Variants in PCTP observed in about 807,000 individuals in gnomAD.
The protein encoded by PCTP is START domain-containing protein 2.
In PCTP, 27 loss-of-function variants were observed where a neutral mutation model predicts 31.0. The observed-to-expected ratio is 0.87, with a 90% CI of 0.64 to 1.20. PCTP has a LOEUF of 1.20. Among genes scored for constraint, PCTP ranks in the 50% most tolerant of loss-of-function variants. PCTP has a pLI of 0.00. For missense variants in PCTP, 287 were observed against 268.2 expected (o/e 1.07, Z -0.49); for synonymous variants, 108 against 101.2 (o/e 1.07, Z -0.40).
chr17:55,847,949 G>A, the PCTP span, among the ~76,000 whole-genome samples: 1 of 151,590 alleles, frequency 6.6e-6, no homozygotes. Context: ...TTGAGACAGA[G>A]CCTCACTCTG....
At chr17:55,843,245 C>G (rs1211811410), downstream of PCTP, among the ~76,000 whole-genome samples, 1 of 152,004 alleles carries the variant, frequency 6.6e-6, no homozygotes, top group African/African-American at 2.4e-5. Flanking sequence ...TGTTTGTTTT[C>G]AGGTCTTAGC....
rs1240014340 is a variant in PCTP at position 55,777,289 on chromosome 17, T to C, written c.*1189T>C. 1 of 984,848 alleles carries C rather than the reference T, an allele frequency of 1.0e-6. No individual in the cohort carries two copies. The highest frequency in any genetic ancestry group is 1.2e-6 in the Non-Finnish European group (1 of 829,128). The allele number at this position is 984,848 out of a possible 1,614,324, so 61.0% of individuals were successfully genotyped here. ...GGATGTAAAGCCACAGAATGGGATT[T>C]ATTAATGTGGGATACCTCAGACTGT... is the stretch of plus-strand genomic sequence containing the variant. On this transcript the variant is annotated 3_prime_UTR_variant, in exon 6 of 6. Coordinates refer to ENST00000268896, the MANE Select transcript of PCTP (RefSeq NM_021213.4).
intron 5 of PCTP, among the ~76,000 whole-genome samples, chr17:55,833,039 G>A (rs148922526): frequency 0.01 from 1,542 of 152,238 alleles, 15 homozygotes; most frequent in South Asian, 0.026. Context: ...CACACTCACC[G>A]CCACTCTGTC....
At chr17:55,755,571 C>A (rs1909968275) in intron 1 of PCTP, among the ~76,000 whole-genome samples, 1 of 152,030 alleles carries the variant, frequency 6.6e-6, no homozygotes, top group African/African-American at 2.4e-5. Flanking sequence ...GACAAGTGGG[C>A]AATTTTGATG....
At chr17:55,839,836 C>T (rs997643293) in intron 5 of PCTP, among the ~76,000 whole-genome samples, 1 of 137,674 alleles carries the variant, frequency 7.3e-6, no homozygotes, top group Non-Finnish European at 1.5e-5. Flanking sequence ...AGGAGAATGG[C>T]GTGAACCCGG....
intron 2 of PCTP, among the ~76,000 whole-genome samples, chr17:55,785,475 T>C (rs967869570): frequency 6.6e-6 from 1 of 152,246 alleles, no homozygotes; most frequent in Non-Finnish European, 1.5e-5. Context: ...AACTGCAAGA[T>C]AATACTGTTT....
intron 1 of PCTP, among the ~76,000 whole-genome samples, chr17:55,753,803 A>G (rs928660726): frequency 4.6e-5 from 7 of 152,166 alleles, no homozygotes; most frequent in Non-Finnish European, 7.4e-5. Context: ...GGCATATACA[A>G]AGCACACGGC....
chr17:55,767,961 C>T lies in PCTP; in HGVS notation c.259+509C>T, dbSNP rs141860473. On this transcript the variant is annotated intron_variant, in intron 2 of 5. Transcript: ENST00000268896. ...TACAAAACTTAGCTGGGCATGGTGG[C>T]GCATGCCTATAGTCCCAACTACTTA... is the stretch of plus-strand genomic sequence containing the variant. Among the ~76,000 whole-genome samples, 99 of 151,532 alleles carry T rather than the reference C, an allele frequency of 6.5e-4. 2 individuals carry two copies. The highest frequency in any genetic ancestry group is 1.8e-3 in the Admixed American group (28 of 15,214).
At chr17:55,794,761 T>A (rs2145012678) in intron 3 of PCTP, among the ~76,000 whole-genome samples, 1 of 152,164 alleles carries the variant, frequency 6.6e-6, no homozygotes, top group African/African-American at 2.4e-5. Flanking sequence ...GTGTGAGCTC[T>A]AACGACAAAT....
intron 3 of PCTP, among the ~76,000 whole-genome samples, chr17:55,793,933 T>C (rs1912094317): frequency 6.6e-6 from 1 of 152,106 alleles, no homozygotes; most frequent in African/African-American, 2.4e-5. Context: ...ATGCCCGCCT[T>C]CACAGTAGAA....
intron 3 of PCTP, among the ~76,000 whole-genome samples, chr17:55,805,382 C>A (rs1286721385): frequency 6.6e-6 from 1 of 151,936 alleles, no homozygotes; most frequent in Non-Finnish European, 1.5e-5. Context: ...ATTTTGTAGT[C>A]CCCAGTGTCT....
chr17:55,843,149 A>G (rs1478208315), downstream of PCTP, among the ~76,000 whole-genome samples: 2 of 152,156 alleles, frequency 1.3e-5, no homozygotes, highest in African/African-American at 4.8e-5. Flanking sequence ...TACTTGTCAT[A>G]TTAATGATGT....
At chr17:55,822,811 G>C (rs1358431701) in exon 4 of PCTP, 4 of 1,231,224 alleles carry the variant, frequency 3.2e-6, no homozygotes, top group African/African-American at 1.6e-5. Context: ...ACCTCATCAA[G>C]TTTTTGGCAA....
At chr17:55,838,520 T>C (rs1905850082) in intron 5 of PCTP, among the ~76,000 whole-genome samples, 1 of 152,226 alleles carries the variant, frequency 6.6e-6, no homozygotes, top group Non-Finnish European at 1.5e-5. Flanking sequence ...ATTTTGCATT[T>C]GTCTCAGTTA....
chr17:55,823,731 T>C (rs1404962001), downstream of PCTP, among the ~76,000 whole-genome samples: 2 of 152,204 alleles, frequency 1.3e-5, no homozygotes, highest in Non-Finnish European at 2.9e-5. Flanking sequence ...AGAGAGCTCC[T>C]ATGTGGCAAC....
chr17:55,790,843 C>A (rs918043622), intron 3 of PCTP, among the ~76,000 whole-genome samples: 1 of 150,132 alleles, frequency 6.7e-6, no homozygotes, highest in Non-Finnish European at 1.5e-5. Context: ...GCCCGCATCA[C>A]CAAGTCAATC....
In PCTP at chr17:55,751,131, G is replaced by C. The variant is rs942605629; in HGVS notation, c.28G>C (p.Glu10Gln). 1.5e-5 allele frequency: 23 copies of C among 1,544,898 alleles called. No individual in the cohort carries two copies. The highest frequency in any genetic ancestry group is 1.8e-5 in the Non-Finnish European group (21 of 1,145,060). MELAAGSFSEEQFWEACAEL... is the reference protein window; with the variant it reads MELAAGSFSQEQFWEACAEL... ...GGAGCTGGCCGCCGGAAGCTTCTCGGAGGAGCAGTTCTGGGAGGCCTGCGC... is the reference window on the plus strand; with the variant it reads ...GGAGCTGGCCGCCGGAAGCTTCTCGCAGGAGCAGTTCTGGGAGGCCTGCGC... The change falls in exon 1 of 6, where the codon GAG becomes CAG. Residue 10 changes from glutamate to glutamine, a missense_variant. By Grantham distance (29) the Glu-to-Gln change is conservative. Transcript: ENST00000268896.
chr17:55,797,005 G>C (rs536075831), intron 3 of PCTP, among the ~76,000 whole-genome samples: 4 of 151,878 alleles, frequency 2.6e-5, no homozygotes, highest in Non-Finnish European at 4.4e-5. Context: ...TGAAGGAGAA[G>C]TCCAATGGAA....
At chr17:55,811,933 A>T (rs1912765726) in intron 3 of PCTP, among the ~76,000 whole-genome samples, 1 of 152,182 alleles carries the variant, frequency 6.6e-6, no homozygotes, top group Non-Finnish European at 1.5e-5. Flanking sequence ...CCCAAACCTG[A>T]GTCCTGATTC....
Sources: allele counts gnomAD v4.1 joint callset (sites outside exome capture counted in the v4.1 genomes callset), GRCh38; gene constraint gnomAD v4.1.1; transcripts MANE v1.5; gene names NCBI Gene and HGNC (gene_info 2026-07-23, HGNC 2026-07-21).